Variants in ACLY observed in about 807,000 individuals in gnomAD.
ACLY encodes ATP-citrate synthase.
ACLY carries 41 observed loss-of-function variants against 133.0 expected under a neutral mutation model. The ratio of observed to expected loss-of-function variants is 0.31; its 90% CI spans 0.24 to 0.40. The LOEUF (loss-of-function observed/expected upper bound fraction) is 0.40. Among genes scored for constraint, ACLY ranks in the 10% least tolerant of loss-of-function variants. The pLI is 1.00. For missense variants in ACLY, 1,046 were observed against 1,453.8 expected (o/e 0.72, Z 4.56); for synonymous variants, 495 against 549.3 (o/e 0.90, Z 1.38).
intron 23 of ACLY, 87 bp from the exon 24 acceptor site, chr17:41,872,269 C>T: frequency 7.4e-7 from 1 of 1,352,364 alleles, no homozygotes; most frequent in South Asian, 1.3e-5. Flanking sequence ...TCATTCAAAT[C>T]CAAGAAGGGT....
Position 41,909,680 on chromosome 17 carries a change from G to A in ACLY, c.366C>T (p.Cys122=). The A allele has an allele frequency of 6.2e-7, 1 of 1,614,162 alleles. No individual in the cohort carries two copies. The highest frequency in any genetic ancestry group is 8.5e-7 in the Non-Finnish European group (1 of 1,180,000). The change falls in exon 5 of 29, where the codon TGC becomes TGT. Residue 122 remains cysteine (C), a synonymous_variant. Transcript: ENST00000352035. ...AGTCCCCTTCTCGGGTGGCATAGAT[G>A]CAGACATAGAACTCCTCAGCCTTGC... ...PHSQAEEFYV[C]IYATREGDYV... is the part of the protein sequence containing the mutation.
intron 17 of ACLY, among the ~76,000 whole-genome samples, chr17:41,886,727 C>T (rs371634413): frequency 3.3e-5 from 5 of 151,366 alleles, no homozygotes; most frequent in East Asian, 2.0e-4. Context: ...CTTAGGAGTT[C>T]GGGGCTGCTG....
At chr17:41,879,403 C>CT (rs2048846195) in intron 20 of ACLY, among the ~76,000 whole-genome samples, 1 of 146,364 alleles carries the variant, frequency 6.8e-6, no homozygotes, top group African/African-American at 2.5e-5. Flanking sequence ...ACCACGCCTG[C>CT]CCCCCCCGCC....
chr17:41,890,616 A>G (rs1466989286), intron 16 of ACLY, among the ~76,000 whole-genome samples: 1 of 152,006 alleles, frequency 6.6e-6, no homozygotes, highest in Non-Finnish European at 1.5e-5. Flanking sequence ...TGAACCCGGG[A>G]GGCGGAGGTT....
intron 20 of ACLY, 37 bp downstream of exon 20, chr17:41,883,085 C>T: frequency 1.3e-6 from 2 of 1,552,228 alleles, no homozygotes; most frequent in Non-Finnish European, 1.8e-6. Context: ...CTTGCAATCC[C>T]CACTCCCAGC....
At chr17:41,888,449 A>T (rs1437170580) in intron 16 of ACLY, among the ~76,000 whole-genome samples, 1 of 152,132 alleles carries the variant, frequency 6.6e-6, no homozygotes, top group Non-Finnish European at 1.5e-5. Flanking sequence ...CACCATCCCC[A>T]CAGGACAGGG....
Position 41,913,350 on chromosome 17 carries a change from G to A in ACLY, c.159+365C>T, listed in dbSNP as rs888900862. On this transcript the variant is annotated intron_variant, in intron 2 of 28. Transcript: ENST00000352035. Reference sequence around the variant, plus strand: ...CTACCATGTGCCAGGCACCAAGCACGCTAAATGCTTCTTGCTAATCTTTAC... The same window carrying A: ...CTACCATGTGCCAGGCACCAAGCACACTAAATGCTTCTTGCTAATCTTTAC... 5.9e-5 allele frequency among the ~76,000 whole-genome samples: 9 copies of A among 152,220 alleles called. No homozygotes were observed. In the East Asian group the frequency reaches 1.5e-3, roughly 26 times the overall value.
intron 2 of ACLY, 21 bp from the exon 3 acceptor site, chr17:41,912,563 A>G (rs1013466891): frequency 1.9e-6 from 3 of 1,613,832 alleles, no homozygotes; most frequent in Middle Eastern, 1.6e-4. Flanking sequence ...AGCGGTTTGT[A>G]TTTAGAGTGA....
At chr17:41,918,360 G>C (rs1196126230) in intron 1 of ACLY, among the ~76,000 whole-genome samples, 1 of 152,232 alleles carries the variant, frequency 6.6e-6, no homozygotes, top group East Asian at 1.9e-4. Context: ...GGCGCGCATA[G>C]CTCATTCTCT....
Position 41,910,224 on chromosome 17 carries a change from G to C in ACLY, c.343C>G (p.Gln115Glu). 6 of 1,613,596 alleles carry C rather than the reference G, an allele frequency of 3.7e-6. No individual in the cohort carries two copies. Among genetic ancestry groups the C allele is most frequent in the Non-Finnish European group, 5.1e-6 (6 of 1,179,826 alleles). Residue 115 changes from glutamine to glutamate, a missense_variant and splice_region_variant, in exon 4 of 29, where the codon CAG (glutamine) becomes GAG (glutamate). Around this residue, in one of 4 missense-constraint regions of ACLY, gnomAD observed 227 missense variants for 245.6 expected, o/e 0.92. Transcript: ENST00000352035. ...GCCTGGAGCCGCCTCACACATACCT[G>C]ACTGTGGGGGACGAAGGGCTCGATC... is the stretch of plus-strand genomic sequence containing the variant. ...FLIEPFVPHS[Q>E]AEEFYVCIYA...
intron 5 of ACLY, 47 bp from the exon 6 acceptor site, chr17:41,909,115 C>A: frequency 6.8e-7 from 1 of 1,475,178 alleles, no homozygotes; most frequent in Non-Finnish European, 9.4e-7. Context: ...CAGGGAGCAG[C>A]TCGGCAGCAC....
chr17:41,867,954 G>A (rs782717938), intron 28 of ACLY, 50 bp from the exon 29 acceptor site: 1 of 1,342,540 alleles, frequency 7.4e-7, no homozygotes, highest in South Asian at 1.2e-5. Flanking sequence ...TAAGCCTGGT[G>A]AGAGGAAGAG....
At chr17:41,886,481 T>C (rs1313324158) in intron 17 of ACLY, among the ~76,000 whole-genome samples, 173 bp from the exon 18 acceptor site, 3 of 152,242 alleles carry the variant, frequency 2.0e-5, no homozygotes, top group Admixed American at 6.5e-5. Flanking sequence ...CTCCTCTCTC[T>C]CTCAAGAGAC....
chr17:41,897,615 G>C, intron 13 of ACLY, 134 bp downstream of exon 13: 1 of 749,622 alleles, frequency 1.3e-6, no homozygotes, highest in Non-Finnish European at 2.1e-6. Flanking sequence ...TGTCCCAGGT[G>C]CACTCCCATT....
At chr17:41,892,547 A>G (rs2049243944) in intron 15 of ACLY, 100 bp from the exon 16 acceptor site, 1 of 1,094,552 alleles carries the variant, frequency 9.1e-7, no homozygotes, top group Admixed American at 2.1e-5. Context: ...TAGAAAAGGC[A>G]TGGTCTGTGC....
intron 28 of ACLY, among the ~76,000 whole-genome samples, chr17:41,868,162 G>A (rs148512817): frequency 6.6e-6 from 1 of 152,006 alleles, no homozygotes; most frequent in Non-Finnish European, 1.5e-5. Context: ...AAATAGGCCG[G>A]GCACGGTGGT....
At position 41,886,226 on chromosome 17, in the gene ACLY, C is replaced by T. The variant is rs782018591; in HGVS notation, c.1958G>A (p.Arg653His). The T allele has an allele frequency of 2.2e-5, 36 of 1,614,060 alleles. No homozygotes were observed. The highest frequency in any genetic ancestry group is 1.6e-4 in the Middle Eastern group (1 of 6,084). ...TGAGACATAGGCCACGCTGCCTGGG[C>T]GGTACAGTTTGGAGGCCAGGATGTT... The part of the protein sequence containing the change: ...LDNILASKLY[R>H]PGSVAYVSRS... The change falls in exon 18 of 29, where the codon CGC becomes CAC. Residue 653 changes from arginine to histidine, a missense_variant. Coordinates refer to ENST00000352035, the MANE Select transcript of ACLY (RefSeq NM_001096.3).
intron 22 of ACLY, 68 bp downstream of exon 22, chr17:41,878,035 C>G: frequency 8.5e-7 from 1 of 1,174,052 alleles, no homozygotes; most frequent in Non-Finnish European, 1.1e-6. Flanking sequence ...CAAATCAACG[C>G]GAAACCCACC....
At chr17:41,892,989 T>C in intron 15 of ACLY, 44 bp downstream of exon 15, 1 of 1,595,786 alleles carries the variant, frequency 6.3e-7, no homozygotes, top group Non-Finnish European at 8.6e-7. Flanking sequence ...CCAAGCTTTG[T>C]CTTAGCAGAG....
Sources: allele counts gnomAD v4.1 joint callset (sites outside exome capture counted in the v4.1 genomes callset), GRCh38; gene constraint gnomAD v4.1.1; regional missense constraint gnomAD v4.1.1; transcripts MANE v1.5; gene names NCBI Gene and HGNC (gene_info 2026-07-23, HGNC 2026-07-21).